EFNB2: variants seen among roughly 807,000 people sequenced by gnomAD.
EFNB2 encodes the protein ephrin-B2.
A neutral mutation model predicts 32.1 loss-of-function variants in EFNB2; 5 were observed. The observed-to-expected ratio is 0.16, with a 90% confidence interval of 0.08 to 0.33. The LOEUF (loss-of-function observed/expected upper bound fraction) is 0.33. Among genes scored for constraint, EFNB2 ranks in the 10% least tolerant of loss-of-function variants. The probability of loss-of-function intolerance (pLI) is 1.00; values close to 1 mark genes in which losing one functional copy is unlikely to be tolerated. For missense variants in EFNB2, 263 were observed against 422.6 expected, an observed-to-expected ratio of 0.62 and a Z score of 3.31; for synonymous variants, 168 against 166.5, an observed-to-expected ratio of 1.01 and a Z score of -0.07.
At chr13:106,517,152 A>G (rs1298488601) in intron 1 of EFNB2, 1 of 152,192 alleles carries the variant, frequency 6.6e-6, no homozygotes, top group African/African-American at 2.4e-5. Flanking sequence ...GCTGACTTTG[A>G]AAGTGTTAAA....
chr13:106,497,544 A>AT (rs199652312), intron 2 of EFNB2, among the ~76,000 whole-genome samples: 19 of 151,678 alleles, frequency 1.3e-4, no homozygotes, highest in Admixed American at 5.9e-4. Flanking sequence ...GGCTATTAAA[A>AT]TTTTTTTTTA....
intron 1 of EFNB2, among the ~76,000 whole-genome samples, chr13:106,523,206 A>C (rs1180891149): frequency 6.6e-6 from 1 of 152,188 alleles, no homozygotes; most frequent in Non-Finnish European, 1.5e-5. Context: ...AGCAGGCTAC[A>C]AAACAGCCAG....
chr13:106,515,625 G>T (rs1363875529), intron 1 of EFNB2, among the ~76,000 whole-genome samples: 2 of 152,042 alleles, frequency 1.3e-5, no homozygotes, highest in Non-Finnish European at 2.9e-5. Flanking sequence ...AATACAAAAG[G>T]CCCCAATCCT....
At chr13:106,510,751 C>T (rs529720419) in intron 2 of EFNB2, among the ~76,000 whole-genome samples, 14 of 151,192 alleles carry the variant, frequency 9.3e-5, no homozygotes, top group Admixed American at 7.2e-4. Context: ...CGGTGGCTCA[C>T]GCCTGGAATC....
chr13:106,508,263 T>A (rs1024991861), intron 2 of EFNB2, among the ~76,000 whole-genome samples: 3 of 152,162 alleles, frequency 2.0e-5, no homozygotes, highest in African/African-American at 7.2e-5. Context: ...GCTTTCCCAG[T>A]ATCAACTGGA....
chr13:106,495,487 CTATCTATCTAT>C (rs939329191), intron 3 of EFNB2, among the ~76,000 whole-genome samples: 1 of 141,840 alleles, frequency 7.1e-6, no homozygotes, highest in African/African-American at 2.7e-5. Context: ...ATCTATCTAT[CTATCTATCTAT>C]TATCTATCTA....
chr13:106,521,177 C>T (rs1026546723), intron 1 of EFNB2: 2 of 118,002 alleles, frequency 1.7e-5, no homozygotes, highest in Non-Finnish European at 3.2e-5. Flanking sequence ...GCAGGCTATA[C>T]AATTTGGAAC....
Position 106,493,529 on chromosome 13 carries a change from T to G in EFNB2, c.614-101A>C, listed in dbSNP as rs1257045708. 1 of 1,453,984 alleles carries G rather than the reference T, an allele frequency of 6.9e-7. No homozygotes were observed. The highest frequency in any genetic ancestry group is 2.3e-5 in the East Asian group (1 of 43,198). 90.1% of individuals were successfully genotyped at this position (1,453,984 alleles called of 1,614,324 possible). A position where few individuals can be genotyped will look rare whatever the true frequency, so the allele number is the denominator to read the frequency against. On this transcript the variant is annotated intron_variant, in intron 4 of 4. Transcript: ENST00000646441. This position sits in a 1 kb window ranked among gnomAD's most constrained non-coding sequence, Gnocchi z 6.1. ...TAAAAATGTGAAAAATAAGCCAGGC[T>G]TATTACTAACTAGAAGCTGGACTTT...
chr13:106,532,598 T>C (rs997720200), intron 1 of EFNB2, among the ~76,000 whole-genome samples: 1 of 152,164 alleles, frequency 6.6e-6, no homozygotes, highest in Non-Finnish European at 1.5e-5. Context: ...GAAATCTTTC[T>C]GATCTCTGGA....
intron 2 of EFNB2, chr13:106,506,076 T>C (rs1426720813): frequency 1.3e-5 from 2 of 152,200 alleles, no homozygotes; most frequent in Non-Finnish European, 2.9e-5. Flanking sequence ...TTTATTCATA[T>C]TAAATTCAAT....
chr13:106,527,365 G>A (rs1478982925), intron 1 of EFNB2, among the ~76,000 whole-genome samples: 1 of 152,134 alleles, frequency 6.6e-6, no homozygotes, highest in Non-Finnish European at 1.5e-5. Flanking sequence ...CGCTCTAAAT[G>A]TATGCCCACC....
At chr13:106,502,005 G>A (rs1426582556) in intron 2 of EFNB2, among the ~76,000 whole-genome samples, 1 of 152,184 alleles carries the variant, frequency 6.6e-6, no homozygotes, top group Non-Finnish European at 1.5e-5. Flanking sequence ...TATTTTGCAT[G>A]CAGGGAGCCA....
chr13:106,507,293 T>C (rs2138914718), intron 2 of EFNB2, among the ~76,000 whole-genome samples: 1 of 152,334 alleles, frequency 6.6e-6, no homozygotes, highest in South Asian at 2.1e-4. Context: ...CACATTATTC[T>C]ATATTCTAAA....
At chr13:106,519,864 T>C (rs1264663385) in intron 1 of EFNB2, 1 of 152,240 alleles carries the variant, frequency 6.6e-6, no homozygotes, top group East Asian at 1.9e-4. Context: ...CATAATTGAC[T>C]TTAAAAATAA....
rs1314861923 is a variant in EFNB2 at position 106,535,627 on chromosome 13, C to G, written c.-663G>C. 1 of 150,516 alleles carries G rather than the reference C, an allele frequency of 6.6e-6. No homozygotes were observed. The highest frequency in any genetic ancestry group is 1.5e-5 in the Non-Finnish European group (1 of 67,504). 9.3% of individuals were successfully genotyped at this position (150,516 alleles called of 1,614,324 possible). ...CCGCTGCGTGCGCAGCTCCTCGCTCCGGCCGGCGCCGCGGTCCCCGCCGAG... is the reference window on the plus strand; with the variant it reads ...CCGCTGCGTGCGCAGCTCCTCGCTCGGGCCGGCGCCGCGGTCCCCGCCGAG... On this transcript the variant is annotated 5_prime_UTR_variant, in exon 1 of 5. Coordinates refer to ENST00000646441, the MANE Select transcript of EFNB2 (RefSeq NM_004093.4).
At chr13:106,526,605 G>A (rs978490412) in intron 1 of EFNB2, among the ~76,000 whole-genome samples, 3 of 152,076 alleles carry the variant, frequency 2.0e-5, no homozygotes, top group African/African-American at 7.2e-5. Flanking sequence ...CAAGGCCTAC[G>A]AGAACTTGCT....
Position 106,493,265 on chromosome 13 carries a change from G to A in EFNB2, c.777C>T (p.His259=), listed in dbSNP as rs377256166. 2 of 1,614,102 alleles carry A rather than the reference G, an allele frequency of 1.2e-6. No homozygotes were observed. The highest frequency in any genetic ancestry group is 1.7e-6 in the Non-Finnish European group (2 of 1,180,052). Residue 259 remains histidine, a synonymous_variant, in exon 5 of 5, where the codon CAC becomes CAT. Transcript: ENST00000646441. The surrounding 1 kb of genome is among the most constrained non-coding windows in gnomAD (Gnocchi z 6.1). The stretch of plus-strand genomic sequence containing the variant: ...ACAGCGTGGTCGTGTGCTGCGGCGA[G>A]TGCTTCCTGTGTCTCCTCCGGTACT... The part of the protein sequence containing the change: ...LLKYRRRHRK[H]SPQHTTTLSL...
Position 106,493,500 on chromosome 13 carries a change from C to T in EFNB2, c.614-72G>A. The T allele has an allele frequency of 6.6e-7, 1 of 1,514,866 alleles. No homozygotes were observed. The highest frequency in any genetic ancestry group is 8.8e-7 in the Non-Finnish European group (1 of 1,134,394). The allele number at this position is 1,514,866 out of a possible 1,614,324, so 93.8% of individuals were successfully genotyped here. A position where few individuals can be genotyped will look rare whatever the true frequency, so the allele number is the denominator to read the frequency against. ...CAGTGCAGACGGACTGCTTTTATGACCCTTAAAAATGTGAAAAATAAGCCA... is the reference window on the plus strand; with the variant it reads ...CAGTGCAGACGGACTGCTTTTATGATCCTTAAAAATGTGAAAAATAAGCCA... On this transcript the variant is annotated intron_variant, in intron 4 of 4. Coordinates refer to ENST00000646441, the MANE Select transcript of EFNB2 (RefSeq NM_004093.4). This position sits in a 1 kb window ranked among gnomAD's most constrained non-coding sequence, Gnocchi z 6.1.
At chr13:106,530,088 C>T (rs9301142) in intron 1 of EFNB2, among the ~76,000 whole-genome samples, 85,351 of 152,064 alleles carry the variant, frequency 0.56, 24,373 homozygotes, top group East Asian at 0.83. Context: ...GGCATGTCAA[C>T]GGTTTACATC....
Sources: gnomAD v4.1 joint callset for allele counts (sites outside exome capture counted in the v4.1 genomes callset) on GRCh38, gnomAD v4.1.1 for gene constraint, Gnocchi (gnomAD v3.1) non-coding constraint, MANE v1.5 for transcripts, NCBI Gene and HGNC (gene_info 2026-07-23, HGNC 2026-07-21) for gene names.